Variants in SOST observed in about 807,000 individuals in gnomAD.
SOST encodes sclerosteosis.
Under a neutral mutation model 16.7 loss-of-function variants are expected in SOST, and 14 were observed. The ratio of observed to expected loss-of-function variants is 0.84; its 90% CI spans 0.55 to 1.31. SOST has a LOEUF of 1.31. SOST is among the 50% of genes most tolerant of loss of function. The pLI is 0.00. For synonymous variants in SOST, 150 were observed against 140.9 expected, an observed-to-expected ratio of 1.06 and a Z score of -0.46; for missense variants, 291 against 310.7, an observed-to-expected ratio of 0.94 and a Z score of 0.48.
Position 43,755,909 on chromosome 17 carries a change from A to T in SOST, c.221-146T>A. The T allele has an allele frequency of 1.1e-6, 1 of 943,102 alleles. No individual in the cohort carries two copies. The highest frequency in any genetic ancestry group is 1.6e-6 in the Non-Finnish European group (1 of 643,436). The allele number at this position is 943,102 out of a possible 1,614,324, so 58.4% of individuals were successfully genotyped here. On this transcript the variant is annotated intron_variant, in intron 1 of 1. Coordinates refer to ENST00000301691, the MANE Select transcript of SOST (RefSeq NM_025237.3). This position sits in a 1 kb window ranked among gnomAD's most constrained non-coding sequence, Gnocchi z 4.3. ...TGAACATCTATTGCAGGAAGGTCCC[A>T]GATGCTCTAGAGCTGGTGGAAAGCT...
Position 43,755,362 on chromosome 17 carries a change from C to G in SOST, c.622G>C (p.Glu208Gln), listed in dbSNP as rs754855270. The change falls in exon 2 of 2, where the codon GAG becomes CAG. Residue 208 changes from glutamate to glutamine, a missense_variant. Coordinates refer to ENST00000301691, the MANE Select transcript of SOST (RefSeq NM_025237.3). The surrounding 1 kb of genome is among the most constrained non-coding windows in gnomAD (Gnocchi z 4.3). ...GGGCTCTAGTAGGCGTTCTCCAGCTCGGCCTGGTTGGCTTTGGCGCTCCGG... is the reference window on the plus strand; with the variant it reads ...GGGCTCTAGTAGGCGTTCTCCAGCTGGGCCTGGTTGGCTTTGGCGCTCCGG... ...RARSAKANQA[E>Q]LENAY The G allele has an allele frequency of 1.3e-5, 21 of 1,586,330 alleles. No individual in the cohort carries two copies. The highest frequency in any genetic ancestry group is 1.4e-5 in the Non-Finnish European group (17 of 1,175,106).
Position 43,755,761 on chromosome 17 carries a change from C to T in SOST, c.223G>A (p.Val75Met), listed in dbSNP as rs774141032. The T allele has an allele frequency of 5.7e-6, 9 of 1,579,364 alleles. No homozygotes were observed. The highest frequency in any genetic ancestry group is 5.2e-5 in the Admixed American group (3 of 57,536). ...PPHHPFETKDVSEYSCRELHF... is the reference protein window; with the variant it reads ...PPHHPFETKDMSEYSCRELHF... ...AGCTCGCGGCAGCTGTACTCGGACA[C>T]GTCTGTGGAGAGAGGCGCGCGTGAG... Residue 75 changes from valine to methionine, a missense_variant and splice_region_variant, in exon 2 of 2, where the codon GTG becomes ATG. Transcript: ENST00000301691. The surrounding 1 kb of genome is among the most constrained non-coding windows in gnomAD (Gnocchi z 4.3).
chr17:43,757,919 A>AC (rs942829887), intron 1 of SOST, among the ~76,000 whole-genome samples: 50 of 151,252 alleles, frequency 3.3e-4, no homozygotes, highest in African/African-American at 8.7e-4. Context: ...TGTCCCCCAC[A>AC]CCCCCCCACA....
At position 43,755,773 on chromosome 17, in the gene SOST, G is replaced by C; in HGVS notation, c.221-10C>G. On this transcript the variant is annotated splice_polypyrimidine_tract_variant and intron_variant, in intron 1 of 1. Transcript: ENST00000301691. The surrounding 1 kb of genome is among the most constrained non-coding windows in gnomAD (Gnocchi z 4.3). Reference sequence around the variant, plus strand: ...CTGTACTCGGACACGTCTGTGGAGAGAGGCGCGCGTGAGGGTGGCCGCCCG... The same window carrying C: ...CTGTACTCGGACACGTCTGTGGAGACAGGCGCGCGTGAGGGTGGCCGCCCG... 1 of 1,574,084 alleles carries C rather than the reference G, an allele frequency of 6.4e-7. No homozygotes were observed. Among genetic ancestry groups the C allele is most frequent in the Non-Finnish European group, 8.6e-7 (1 of 1,169,346 alleles).
At position 43,755,280 on chromosome 17, in the gene SOST, GA is replaced by G. The variant is rs1974113526; in HGVS notation, c.*61del. The G allele has an allele frequency of 2.8e-6, 4 of 1,421,440 alleles. No individual in the cohort carries two copies. The highest frequency in any genetic ancestry group is 3.7e-6 in the Non-Finnish European group (4 of 1,078,836). 88.1% of individuals were successfully genotyped at this position (1,421,440 alleles called of 1,614,324 possible). A position where few individuals can be genotyped will look rare whatever the true frequency, so the allele number is the denominator to read the frequency against. ...ACAATCAAACCACGCGCAGAGGACA[GA>G]AATGTGGGGCGCGGGTTCAGGGCCG... On this transcript the variant is annotated 3_prime_UTR_variant, in exon 2 of 2. Transcript: ENST00000301691. The surrounding 1 kb of genome is among the most constrained non-coding windows in gnomAD (Gnocchi z 4.3).
rs62078606 is a variant in SOST, at chr17:43,754,749, C to T, written c.*593G>A. 1 of 152,104 alleles carries T rather than the reference C, an allele frequency of 6.6e-6. No homozygotes were observed. The highest frequency in any genetic ancestry group is 1.9e-4 in the East Asian group (1 of 5,192). The allele number at this position is 152,104 out of a possible 1,614,324, so 9.4% of individuals were successfully genotyped here. A position where few individuals can be genotyped will look rare whatever the true frequency, so the allele number is the denominator to read the frequency against. On this transcript the variant is annotated 3_prime_UTR_variant, in exon 2 of 2. Transcript: ENST00000301691. ...CACTGGAGTCCTTGGAATCATATGCCAATAGTCTCCTCGAGATCCTATTCC... is the reference window on the plus strand; with the variant it reads ...CACTGGAGTCCTTGGAATCATATGCTAATAGTCTCCTCGAGATCCTATTCC...
Position 43,755,951 on chromosome 17 carries a change from C to A in SOST, c.221-188G>T, listed in dbSNP as rs1427206476. ...TGGAAAGCTCTCCTGCGCACCCTGT[C>A]CCCTCGGAGCCAAATGACTGCTGGG... On this transcript the variant is annotated intron_variant, in intron 1 of 1. Transcript: ENST00000301691. The surrounding 1 kb of genome is among the most constrained non-coding windows in gnomAD (Gnocchi z 4.3). Among the ~76,000 whole-genome samples the A allele has an allele frequency of 6.6e-6, 1 of 152,218 alleles. No individual in the cohort carries two copies. The highest frequency in any genetic ancestry group is 2.4e-5 in the African/African-American group (1 of 41,454).
rs1474129393 is a variant in SOST, at chr17:43,754,620, A to C, written c.*722T>G. On this transcript the variant is annotated 3_prime_UTR_variant, in exon 2 of 2. Transcript: ENST00000301691. ...TCATCTTTGGCTGTCAGAAGAGAGC[A>C]TCACAACTCTGAATTCTGGAAGTGA... 6.6e-6 allele frequency: 1 copy of C among 151,970 alleles called. No homozygotes were observed. The highest frequency in any genetic ancestry group is 1.5e-5 in the Non-Finnish European group (1 of 67,996). 9.4% of individuals were successfully genotyped at this position (151,970 alleles called of 1,614,324 possible).
Position 43,755,040 on chromosome 17 carries a change from A to G in SOST, c.*302T>C, listed in dbSNP as rs1395788072. The stretch of plus-strand genomic sequence containing the variant: ...ACCCCAGGGCGGTGAAAATGCTTCC[A>G]TTTCTGCCTCCTCTGAAGTGGGACC... On this transcript the variant is annotated 3_prime_UTR_variant, in exon 2 of 2. Transcript: ENST00000301691. The surrounding 1 kb of genome is among the most constrained non-coding windows in gnomAD (Gnocchi z 4.3). The G allele has an allele frequency of 2.5e-6, 1 of 395,646 alleles. No individual in the cohort carries two copies. Among genetic ancestry groups the G allele is most frequent in the Non-Finnish European group, 4.5e-6 (1 of 224,088 alleles). The allele number at this position is 395,646 out of a possible 1,614,324, so 24.5% of individuals were successfully genotyped here.
rs1265634191 is a variant in SOST, at chr17:43,755,809, C to G, written c.221-46G>C. On this transcript the variant is annotated intron_variant, in intron 1 of 1. Coordinates refer to ENST00000301691, the MANE Select transcript of SOST (RefSeq NM_025237.3). The surrounding 1 kb of genome is among the most constrained non-coding windows in gnomAD (Gnocchi z 4.3). ...GAGGGTGGCCGCCCGCCTGGCCACC[C>G]CTGCCCTGGACCGGCCCGTCTCTCT... 6.5e-7 allele frequency: 1 copy of G among 1,540,918 alleles called. No homozygotes were observed. Among genetic ancestry groups the G allele is most frequent in the South Asian group, 1.2e-5 (1 of 84,136 alleles).
rs774959099 is a variant in SOST, at chr17:43,758,623, A to T, written c.119T>A (p.Leu40His). The T allele has an allele frequency of 6.2e-7, 1 of 1,614,002 alleles. No homozygotes were observed. The highest frequency in any genetic ancestry group is 1.1e-5 in the South Asian group (1 of 91,074). ...CGGTGGAGGCTCGGGGTACTCTCCG[A>T]GCTCGGGGATGATTTCCGTGGCATC... is the stretch of plus-strand genomic sequence containing the variant. ...KNDATEIIPE[L>H]GEYPEPPPEL... The change falls in exon 1 of 2, where the codon CTC (leucine) becomes CAC (histidine). Residue 40 changes from leucine (L) to histidine (H), a missense_variant. Transcript: ENST00000301691.
chr17:43,755,268 G>A lies in SOST; in HGVS notation c.*74C>T, dbSNP rs978736821. 7.5e-6 allele frequency: 10 copies of A among 1,338,260 alleles called. No homozygotes were observed. The highest frequency in any genetic ancestry group is 2.1e-4 in the Middle Eastern group (1 of 4,668). The allele number at this position is 1,338,260 out of a possible 1,614,324, so 82.9% of individuals were successfully genotyped here. A position where few individuals can be genotyped will look rare whatever the true frequency, so the allele number is the denominator to read the frequency against. On this transcript the variant is annotated 3_prime_UTR_variant, in exon 2 of 2. Transcript: ENST00000301691. This position sits in a 1 kb window ranked among gnomAD's most constrained non-coding sequence, Gnocchi z 4.3. ...AATGAAATATAAACAATCAAACCAC[G>A]CGCAGAGGACAGAAATGTGGGGCGC...
chr17:43,756,581 T>G (rs1974132854), intron 1 of SOST, among the ~76,000 whole-genome samples: 1 of 152,140 alleles, frequency 6.6e-6, no homozygotes, highest in Non-Finnish European at 1.5e-5. Context: ...AGGCTCTGCG[T>G]TCGAGCATCC....
At position 43,755,478 on chromosome 17, in the gene SOST, C is replaced by T. The variant is rs138163431; in HGVS notation, c.506G>A (p.Arg169His). 1.4e-5 allele frequency: 23 copies of T among 1,597,348 alleles called. No individual in the cohort carries two copies. The highest frequency in any genetic ancestry group is 3.3e-5 in the Admixed American group (2 of 59,866). The change falls in exon 2 of 2, where the codon CGC (arginine) becomes CAC (histidine). Residue 169 changes from arginine to histidine, a missense_variant. Physicochemically the swap from Arg to His is conservative, Grantham distance 29. Transcript: ENST00000301691. The surrounding 1 kb of genome is among the most constrained non-coding windows in gnomAD (Gnocchi z 4.3). ...CGACTGGTTGTGGAAGCGGGTGAGGCGCTTGCACTTGCACGAGGCCACCAG... is the reference window on the plus strand; with the variant it reads ...CGACTGGTTGTGGAAGCGGGTGAGGTGCTTGCACTTGCACGAGGCCACCAG... Reference protein sequence around the residue: ...VRLVASCKCKRLTRFHNQSEL... With the variant: ...VRLVASCKCKHLTRFHNQSEL...
intron 1 of SOST, among the ~76,000 whole-genome samples, chr17:43,756,801 G>A (rs1358065298): frequency 2.0e-5 from 3 of 152,086 alleles, no homozygotes; most frequent in East Asian, 1.9e-4. Context: ...ATTGGGCTCC[G>A]AGGCCTGGCC....
rs1974106766 is a variant in SOST at position 43,754,681 on chromosome 17, CTCTCTT to C, written c.*655_*660del. 6.6e-6 allele frequency: 1 copy of C among 152,076 alleles called. No individual in the cohort carries two copies. Among genetic ancestry groups the C allele is most frequent in the African/African-American group, 2.4e-5 (1 of 41,374 alleles). The allele number at this position is 152,076 out of a possible 1,614,324, so 9.4% of individuals were successfully genotyped here. On this transcript the variant is annotated 3_prime_UTR_variant, in exon 2 of 2. Coordinates refer to ENST00000301691, the MANE Select transcript of SOST (RefSeq NM_025237.3). ...GAATCAATGCAACTGCATTCATTCT[CTCTCTT>C]TCTCTCTCTCTCTCTCACCTCTGCC...
chr17:43,757,754 C>T (rs1467429737), intron 1 of SOST, among the ~76,000 whole-genome samples: 1 of 152,144 alleles, frequency 6.6e-6, no homozygotes, highest in Non-Finnish European at 1.5e-5. Context: ...GCTGCTCTCC[C>T]CTCCAGGGCC....
In SOST at chr17:43,754,691, C is replaced by T. The variant is rs1598295708; in HGVS notation, c.*651G>A. 1 of 152,102 alleles carries T rather than the reference C, an allele frequency of 6.6e-6. No homozygotes were observed. Among genetic ancestry groups the T allele is most frequent in the Admixed American group, 6.5e-5 (1 of 15,278 alleles). The allele number at this position is 152,102 out of a possible 1,614,324, so 9.4% of individuals were successfully genotyped here. On this transcript the variant is annotated 3_prime_UTR_variant, in exon 2 of 2. Transcript: ENST00000301691. ...AACTGCATTCATTCTCTCTCTTTCT[C>T]TCTCTCTCTCTCACCTCTGCCCATT... is the stretch of plus-strand genomic sequence containing the variant.
In SOST at chr17:43,755,192, C is replaced by T. The variant is rs1398699489; in HGVS notation, c.*150G>A. 1 of 775,450 alleles carries T rather than the reference C, an allele frequency of 1.3e-6. No individual in the cohort carries two copies. Among genetic ancestry groups the T allele is most frequent in the Non-Finnish European group, 1.9e-6 (1 of 528,008 alleles). The allele number at this position is 775,450 out of a possible 1,614,324, so 48.0% of individuals were successfully genotyped here. ...GGGGGCCTTGCCGGCGCCCGGGATT[C>T]CTCAGGGCCTGGAAGGTCTCAGCCC... On this transcript the variant is annotated 3_prime_UTR_variant, in exon 2 of 2. Coordinates refer to ENST00000301691, the MANE Select transcript of SOST (RefSeq NM_025237.3). The surrounding 1 kb of genome is among the most constrained non-coding windows in gnomAD (Gnocchi z 4.3).
Sources: gnomAD v4.1 joint callset for allele counts (sites outside exome capture counted in the v4.1 genomes callset) on GRCh38, gnomAD v4.1.1 for gene constraint, Gnocchi (gnomAD v3.1) non-coding constraint, MANE v1.5 for transcripts, NCBI Gene and HGNC (gene_info 2026-07-23, HGNC 2026-07-21) for gene names.